Variants in UPRT observed in about 807,000 individuals in gnomAD.
The protein encoded by UPRT is RP11-311P8.3.
A neutral mutation model predicts 22.6 loss-of-function variants in UPRT; 5 were observed. The observed-to-expected ratio is 0.22, with a 90% CI of 0.12 to 0.47. The LOEUF is 0.47. UPRT is among the 20% of genes least tolerant of loss of function. UPRT has a pLI of 0.99. For synonymous variants in UPRT, 77 were observed against 87.7 expected (o/e 0.88, Z 0.68); for missense variants, 181 against 239.9 (o/e 0.75, Z 1.62).
chrX:75,195,589 G>A (rs753906098), intron 4 of UPRT, among the ~76,000 whole-genome samples: 8 of 112,132 alleles, frequency 7.1e-5, no homozygotes, highest in African/African-American at 2.6e-4. Flanking sequence ...CATGAAGGTC[G>A]TGGGGTCTCC....
intron 4 of UPRT, among the ~76,000 whole-genome samples, chrX:75,174,627 C>G (rs2082241165): frequency 1.8e-5 from 2 of 112,181 alleles, no homozygotes; most frequent in South Asian, 7.5e-4. Context: ...AAACAACACT[C>G]TTCCCCTAAG....
At chrX:75,185,427 A>G (rs1602443589) in intron 4 of UPRT, among the ~76,000 whole-genome samples, 1 of 112,002 alleles carries the variant, frequency 8.9e-6, no homozygotes, top group East Asian at 2.8e-4. Flanking sequence ...GTTTGCCAGT[A>G]TTTTATTGAG....
intron 2 of UPRT, among the ~76,000 whole-genome samples, chrX:75,295,825 A>T (rs942895291): frequency 5.4e-5 from 6 of 111,735 alleles, no homozygotes; most frequent in African/African-American, 2.0e-4. Flanking sequence ...ATTTTACTGG[A>T]TCCTCCTTCA....
At chrX:75,252,069 T>G (rs932920914) in intron 4 of UPRT, among the ~76,000 whole-genome samples, 19 of 112,062 alleles carry the variant, frequency 1.7e-4, no homozygotes, top group Non-Finnish European at 3.4e-4. Context: ...ATTCAAGATG[T>G]ATTAAAGACT....
chrX:75,254,761 C>CTTTT (rs34395700), intron 4 of UPRT, among the ~76,000 whole-genome samples: 37 of 47,943 alleles, frequency 7.7e-4, no homozygotes, highest in African/African-American at 2.0e-3. Flanking sequence ...AGGAAAGAAT[C>CTTTT]TTTTTTTTTT....
At chrX:75,202,667 T>C (rs1367027513) in intron 4 of UPRT, 2 of 111,973 alleles carry the variant, frequency 1.8e-5, no homozygotes, top group Non-Finnish European at 3.8e-5. Flanking sequence ...GCAAACATTG[T>C]AGATATTAGC....
At chrX:75,190,445 A>C (rs189965931) in intron 4 of UPRT, among the ~76,000 whole-genome samples, 1 of 111,313 alleles carries the variant, frequency 9.0e-6, no homozygotes, top group African/African-American at 3.3e-5. Context: ...TGAATCTGTC[A>C]ATTATGTGTC....
At chrX:75,272,746 A>T (rs527990041), upstream of UPRT, among the ~76,000 whole-genome samples, 5 of 110,820 alleles carry the variant, frequency 4.5e-5, no homozygotes, top group East Asian at 2.9e-4. Context: ...TAAAAAAAAA[A>T]TTATAAAAAA....
chrX:75,159,937 C>T (rs2082194204), intron 1 of UPRT, among the ~76,000 whole-genome samples: 2 of 109,180 alleles, frequency 1.8e-5, no homozygotes, highest in South Asian at 4.0e-4. Flanking sequence ...CCACCACGCC[C>T]GGCTAATTTT....
chrX:75,203,281 A>G (rs2082352473), intron 4 of UPRT, among the ~76,000 whole-genome samples: 1 of 111,388 alleles, frequency 9.0e-6, no homozygotes, highest in South Asian at 3.8e-4. Context: ...ATACAGGAGC[A>G]CCCAGATTCA....
intron 4 of UPRT, among the ~76,000 whole-genome samples, chrX:75,185,057 A>G (rs1000944383): frequency 5.4e-5 from 6 of 111,159 alleles, no homozygotes; most frequent in South Asian, 3.8e-4. Flanking sequence ...CCAACACTAT[A>G]TTGAATAGGA....
upstream of UPRT, among the ~76,000 whole-genome samples, chrX:75,271,449 A>G (rs930980909): frequency 8.9e-6 from 1 of 112,094 alleles, no homozygotes; most frequent in African/African-American, 3.2e-5. Flanking sequence ...CACATGTAGG[A>G]GAATGAAACT....
intron 1 of UPRT, among the ~76,000 whole-genome samples, chrX:75,285,675 T>C (rs1216901886): frequency 9.0e-6 from 1 of 111,123 alleles, no homozygotes; most frequent in Non-Finnish European, 1.9e-5. Context: ...GCAATCTGCT[T>C]CCTTAAGAGG....
At chrX:75,203,512 A>ACT (rs773180927) in intron 4 of UPRT, among the ~76,000 whole-genome samples, 194 of 74,692 alleles carry the variant, frequency 2.6e-3, no homozygotes, top group African/African-American at 7.7e-3. Flanking sequence ...ACACACACAC[A>ACT]CACTCACACA....
At chrX:75,202,165 T>C (rs913152159) in intron 4 of UPRT, among the ~76,000 whole-genome samples, 1 of 111,624 alleles carries the variant, frequency 9.0e-6, no homozygotes, top group African/African-American at 3.3e-5. Flanking sequence ...ATCAATATGT[T>C]CATATATATG....
rs1555961118 is a variant in UPRT at position 75,156,899 on chromosome X, T to TCTCA, written c.-737+350_-737+351insTCAC. 9.0e-5 allele frequency among the ~76,000 whole-genome samples: 9 copies of TCTCA among 99,585 alleles called. No individual in the cohort carries two copies. In the East Asian group the frequency reaches 1.8e-3, roughly 20 times the overall value. The allele number at this position is 99,585 out of a possible 115,157, so 86.5% of individuals were successfully genotyped here. A position where few individuals can be genotyped will look rare whatever the true frequency, so the allele number is the denominator to read the frequency against. ...TTGGTCTGTTGCTCGTGGGACAGTC[T>TCTCA]CACACACACACACACACACACACAC... On this transcript the variant is annotated intron_variant, in intron 1 of 13. Transcript: ENST00000652605.
At chrX:75,169,264 T>A (rs768646041) in intron 4 of UPRT, among the ~76,000 whole-genome samples, 11 of 112,184 alleles carry the variant, frequency 9.8e-5, no homozygotes, top group Non-Finnish European at 2.1e-4. Context: ...CTTTTTCAGA[T>A]AATGACTTCT....
exon 2 of UPRT, among the ~76,000 whole-genome samples, chrX:75,160,571 A>T (rs1312100025): frequency 2.7e-5 from 3 of 112,016 alleles, no homozygotes; most frequent in African/African-American, 9.7e-5. Context: ...CGCTCTTGTC[A>T]CTCAGGCTGG....
intron 4 of UPRT, among the ~76,000 whole-genome samples, chrX:75,225,251 G>A (rs2082420386): frequency 1.8e-5 from 2 of 108,865 alleles, no homozygotes; most frequent in South Asian, 8.2e-4. Flanking sequence ...AGGATTGCTC[G>A]AGGCCAGGAG....
Sources: allele counts gnomAD v4.1 joint callset (sites outside exome capture counted in the v4.1 genomes callset), GRCh38; gene constraint gnomAD v4.1.1; transcripts MANE v1.5; gene names NCBI Gene and HGNC (gene_info 2026-07-23, HGNC 2026-07-21).